The following MACF1 variants were observed in gnomAD, a reference collection of about 807,000 sequenced individuals.
MACF1 encodes microtubule-actin cross-linking factor 1.
In MACF1, 193 loss-of-function variants were observed where a neutral mutation model predicts 854.8. The ratio of observed to expected loss-of-function variants is 0.23; its 90% confidence interval spans 0.20 to 0.25. The LOEUF (loss-of-function observed/expected upper bound fraction) is 0.25. Ranked by LOEUF, MACF1 falls within the 10% of genes least tolerant of loss-of-function variation. The pLI, the probability that MACF1 is intolerant of heterozygous loss-of-function variation, is 1.00. For synonymous variants in MACF1, 3,185 were observed against 3,226.7 expected, an observed-to-expected ratio of 0.99 and a Z score of 0.44; for missense variants, 7,722 against 8,929.1, an observed-to-expected ratio of 0.86 and a Z score of 5.45.
chr1:39,372,599 G>T lies in MACF1; in HGVS notation c.13213+3G>T. 1 of 1,581,268 alleles carries T rather than the reference G, an allele frequency of 6.3e-7. No homozygotes were observed. Among genetic ancestry groups the T allele is most frequent in the South Asian group, 1.1e-5 (1 of 90,304 alleles). Reference sequence around the variant, plus strand: ...ACCTGATTCCCAAGGCAAGACAGGTGAGTACAGGCTCTTCAAAATATAGTG... The same window carrying T: ...ACCTGATTCCCAAGGCAAGACAGGTTAGTACAGGCTCTTCAAAATATAGTG... On this transcript the variant is annotated splice_donor_region_variant and intron_variant, in intron 52 of 100. Transcript: ENST00000564288.
chr1:39,477,149 CACACAGAT>C (rs1557675274), intron 97 of MACF1, among the ~76,000 whole-genome samples: 1 of 61,788 alleles, frequency 1.6e-5, no homozygotes, highest in African/African-American at 5.1e-5. Context: ...CACACACACA[CACACAGAT>C]GTGCAAAGGA....
chr1:39,477,336 C>CA (rs1644928675), intron 97 of MACF1, among the ~76,000 whole-genome samples: 2 of 151,756 alleles, frequency 1.3e-5, no homozygotes, highest in Non-Finnish European at 2.9e-5. Context: ...GCAATCCTCC[C>CA]ACCTCAGCCT....
chr1:39,138,536 G>A (rs1643242525), intron 2 of MACF1, among the ~76,000 whole-genome samples: 1 of 151,204 alleles, frequency 6.6e-6, no homozygotes, highest in Admixed American at 6.6e-5. Context: ...AGTGAGCAGA[G>A]ATCGCGCCAC....
At chr1:39,199,831 T>G, upstream of MACF1, among the ~76,000 whole-genome samples, 1 of 152,338 alleles carries the variant, frequency 6.6e-6, no homozygotes, top group Non-Finnish European at 1.5e-5. Flanking sequence ...ATGAAGTGCT[T>G]TGTTTCAGAA....
intron 57 of MACF1, among the ~76,000 whole-genome samples, chr1:39,386,520 C>T (rs748516659): frequency 7.9e-5 from 12 of 152,014 alleles, no homozygotes; most frequent in Non-Finnish European, 1.2e-4. Flanking sequence ...CAACCTCCGC[C>T]TCCTCGGTTC....
rs1283988546 is a variant in MACF1 at position 39,105,205 on chromosome 1, G to A, written c.220+20767G>A. ...GGGGTCGGCAGCCCCTGGGGGACCC[G>A]TGTGGGCAGCCCGGGCCCAGCCGGC... On this transcript the variant is annotated intron_variant, in intron 2 of 93. Coordinates refer to the MACF1 transcript ENST00000361689. The surrounding 1 kb of genome is among the most constrained non-coding windows in gnomAD (Gnocchi z 5.9). 6.6e-6 allele frequency among the ~76,000 whole-genome samples: 1 copy of A among 151,290 alleles called. No individual in the cohort carries two copies. The highest frequency in any genetic ancestry group is 1.5e-5 in the Non-Finnish European group (1 of 67,734).
chr1:39,333,010 G>T lies in MACF1; in HGVS notation c.6422G>T (p.Gly2141Val), dbSNP rs146986172. 146 of 1,614,104 alleles carry T rather than the reference G, an allele frequency of 9.0e-5. No individual in the cohort carries two copies. The African/African-American group carries it at 1.7e-3, about 19-fold the overall frequency. ...LLTIPPAEAEGVPLVVDKDVF... is the reference protein window; with the variant it reads ...LLTIPPAEAEVVPLVVDKDVF... ...ACCATACCTCCTGCTGAGGCGGAAGGTGTGCCGTTGGTGGTTGACAAAGAT... is the reference window on the plus strand; with the variant it reads ...ACCATACCTCCTGCTGAGGCGGAAGTTGTGCCGTTGGTGGTTGACAAAGAT... Residue 2141 changes from glycine (G) to valine (V), a missense_variant, in exon 37 of 101, where the codon GGT (glycine) becomes GTT (valine). Around this residue, in one of 15 missense-constraint regions of MACF1, gnomAD observed 1,531 missense variants for 1,601.6 expected, o/e 0.96. Coordinates refer to ENST00000564288, the MANE Select transcript of MACF1 (RefSeq NM_001394062.1).
chr1:39,327,206 T>G lies in MACF1; in HGVS notation c.4479-12T>G. The G allele has an allele frequency of 6.4e-7, 1 of 1,555,968 alleles. No individual in the cohort carries two copies. The highest frequency in any genetic ancestry group is 8.8e-7 in the Non-Finnish European group (1 of 1,140,022). On this transcript the variant is annotated splice_polypyrimidine_tract_variant and intron_variant, in intron 35 of 100. Coordinates refer to ENST00000564288, the MANE Select transcript of MACF1 (RefSeq NM_001394062.1). ...TTTTCTCCTAAAAAAGCTTTAATGCTTCATCTTCCAGGCTCTCAGAAAAAG... is the reference window on the plus strand; with the variant it reads ...TTTTCTCCTAAAAAAGCTTTAATGCGTCATCTTCCAGGCTCTCAGAAAAAG...
chr1:39,153,004 G>C (rs1367298020), intron 2 of MACF1, among the ~76,000 whole-genome samples: 1 of 152,192 alleles, frequency 6.6e-6, no homozygotes, highest in African/African-American at 2.4e-5. Context: ...AGCAGGCACT[G>C]ATCTTTAGCT....
chr1:39,406,289 T>C (rs1247718197), intron 58 of MACF1, among the ~76,000 whole-genome samples: 1 of 152,232 alleles, frequency 6.6e-6, no homozygotes, highest in Non-Finnish European at 1.5e-5. Context: ...ATGCTCCATT[T>C]ATTTATTTAT....
chr1:39,358,890 G>T lies in MACF1; in HGVS notation c.12120+17G>T, dbSNP rs1252162105. The T allele has an allele frequency of 1.3e-6, 2 of 1,596,718 alleles. No homozygotes were observed. The highest frequency in any genetic ancestry group is 1.7e-6 in the Non-Finnish European group (2 of 1,174,004). On this transcript the variant is annotated intron_variant, in intron 46 of 100. Transcript: ENST00000564288. Reference sequence around the variant, plus strand: ...ACAACAAAGGTAAGTCAGGACACAGGCTGTGTTGTGGTGTCAAGACCTTGT... The same window carrying T: ...ACAACAAAGGTAAGTCAGGACACAGTCTGTGTTGTGGTGTCAAGACCTTGT...
intron 6 of MACF1, chr1:39,269,787 G>A (rs1349024777): frequency 7.5e-6 from 9 of 1,196,996 alleles, no homozygotes; most frequent in Non-Finnish European, 9.7e-6. Flanking sequence ...ACATATTAAA[G>A]CTGAGTGTGG....
intron 58 of MACF1, among the ~76,000 whole-genome samples, chr1:39,406,341 C>A (rs1370038273): frequency 1.3e-5 from 2 of 152,072 alleles, no homozygotes; most frequent in Non-Finnish European, 2.9e-5. Flanking sequence ...GGTAGATAGA[C>A]ATGGGAGGGA....
intron 66 of MACF1, among the ~76,000 whole-genome samples, chr1:39,432,175 C>T (rs893356247): frequency 2.0e-5 from 3 of 152,216 alleles, no homozygotes; most frequent in Admixed American, 2.0e-4. Context: ...TATATTTAAA[C>T]ATCTGACTAA....
chr1:39,156,126 C>T (rs1469072096), intron 2 of MACF1, among the ~76,000 whole-genome samples: 2 of 152,142 alleles, frequency 1.3e-5, no homozygotes, highest in Non-Finnish European at 1.5e-5. Context: ...CCGCCTGCCT[C>T]GGCCTCCCAA....
At chr1:39,314,567 TCTCACA>T (rs144526423) in intron 26 of MACF1, among the ~76,000 whole-genome samples, 40,942 of 114,342 alleles carry the variant, frequency 0.36, 6,670 homozygotes, top group East Asian at 0.52. Flanking sequence ...TCTCTCTCTC[TCTCACA>T]CACACACACA....
At chr1:39,356,902 C>T (rs1173323232) in intron 44 of MACF1, among the ~76,000 whole-genome samples, 1 of 152,100 alleles carries the variant, frequency 6.6e-6, no homozygotes, top group Non-Finnish European at 1.5e-5. Context: ...TAGGTCGTGC[C>T]ACAAAGCAAA....
In MACF1 at chr1:39,285,700, G is replaced by A. The variant is rs1645629238; in HGVS notation, c.1450G>A (p.Val484Met). ...TGAAGGTCTCATCAGGCAGCTGCAG[G>A]TGGATCTCCAGATCCTGCGGGATGA... Reference protein sequence around the residue: ...ECEGLIRQLQVDLQILRDENY... With the variant: ...ECEGLIRQLQMDLQILRDENY... Residue 484 changes from valine (V) to methionine (M), a missense_variant, in exon 14 of 101, where the codon GTG becomes ATG. Val to Met is a conservative substitution (Grantham distance 21, BLOSUM62 1). This residue lies in a region of MACF1 where 1,137 missense variants were observed against 1,263.0 expected (regional missense o/e 0.90). Transcript: ENST00000564288. 1 of 1,614,116 alleles carries A rather than the reference G, an allele frequency of 6.2e-7. No homozygotes were observed. Among genetic ancestry groups the A allele is most frequent in the South Asian group, 1.1e-5 (1 of 91,074 alleles).
chr1:39,218,108 A>C (rs1216499855), intron 1 of MACF1, among the ~76,000 whole-genome samples: 2 of 133,788 alleles, frequency 1.5e-5, no homozygotes, highest in Non-Finnish European at 3.1e-5. Context: ...GCGTAAACCC[A>C]GGAGGTGGAG....
Sources: gnomAD v4.1 joint callset for allele counts (sites outside exome capture counted in the v4.1 genomes callset) on GRCh38, gnomAD v4.1.1 for gene constraint, gnomAD v4.1.1 regional missense constraint, Gnocchi (gnomAD v3.1) non-coding constraint, MANE v1.5 for transcripts, NCBI Gene and HGNC (gene_info 2026-07-23, HGNC 2026-07-21) for gene names.